The following JMJD1C variants were observed in gnomAD, a reference collection of about 807,000 sequenced individuals.
The protein encoded by JMJD1C is jumonji domain-containing protein 1C.
JMJD1C carries 31 observed loss-of-function variants against 245.3 expected under a neutral mutation model. That is an observed-to-expected ratio of 0.13 (90% CI 0.09 to 0.17). The LOEUF (loss-of-function observed/expected upper bound fraction) is 0.17. Among genes scored for constraint, JMJD1C ranks in the 10% least tolerant of loss-of-function variants. The probability of loss-of-function intolerance (pLI) is 1.00; values close to 1 mark genes in which losing one functional copy is unlikely to be tolerated. For synonymous variants in JMJD1C, 1,057 were observed against 1,017.4 expected (o/e 1.04, Z -0.74); for missense variants, 2,691 against 3,000.2 (o/e 0.90, Z 2.41).
chr10:63,257,084 A>G lies in JMJD1C; in HGVS notation c.447+7567T>C, dbSNP rs561704194. On this transcript the variant is annotated intron_variant, in intron 3 of 25. Coordinates refer to ENST00000399262, the MANE Select transcript of JMJD1C (RefSeq NM_032776.3). ...AACCCTGTCTCTACTAAAAACACAAAAAATTAGCCGGGCGTGGTGGCTCGC... is the reference window on the plus strand; with the variant it reads ...AACCCTGTCTCTACTAAAAACACAAGAAATTAGCCGGGCGTGGTGGCTCGC... 2.0e-5 allele frequency among the ~76,000 whole-genome samples: 3 copies of G among 152,118 alleles called. No homozygotes were observed. The South Asian group carries it at 6.2e-4, about 32-fold the overall frequency.
intron 1 of JMJD1C, among the ~76,000 whole-genome samples, chr10:63,394,581 A>C (rs987808289): frequency 6.6e-6 from 1 of 152,220 alleles, no homozygotes; most frequent in Non-Finnish European, 1.5e-5. Flanking sequence ...TCAGTGGCTC[A>C]TGCCTGTAAT....
intron 2 of JMJD1C, among the ~76,000 whole-genome samples, chr10:63,290,343 A>T (rs7074351): frequency 0.86 from 130,736 of 152,128 alleles, 56,882 homozygotes; most frequent in African/African-American, 0.96. Context: ...GTAAGGCGGG[A>T]GGATCACCTG....
intron 2 of JMJD1C, among the ~76,000 whole-genome samples, chr10:63,368,394 C>T (rs1195980145): frequency 6.6e-6 from 1 of 152,086 alleles, no homozygotes; most frequent in Admixed American, 6.5e-5. Flanking sequence ...TATAACAGCA[C>T]ATAGGGAAAC....
At chr10:63,394,114 G>C (rs1304630355) in intron 1 of JMJD1C, among the ~76,000 whole-genome samples, 1 of 151,586 alleles carries the variant, frequency 6.6e-6, no homozygotes, top group Non-Finnish European at 1.5e-5. Context: ...TTGAATCCGG[G>C]AGGTAGTGGT....
At chr10:63,347,580 T>C (rs561315539) in intron 2 of JMJD1C, among the ~76,000 whole-genome samples, 1 of 124,950 alleles carries the variant, frequency 8.0e-6, no homozygotes, top group Non-Finnish European at 1.6e-5. Context: ...CGAGAGTCCA[T>C]CTCAAAAAAA....
At chr10:63,421,635 G>A (rs906072694) in intron 1 of JMJD1C, among the ~76,000 whole-genome samples, 2 of 152,178 alleles carry the variant, frequency 1.3e-5, no homozygotes, top group Admixed American at 1.3e-4. Context: ...AACCCCTGAT[G>A]TGTCTGACTA....
intron 1 of JMJD1C, among the ~76,000 whole-genome samples, chr10:63,435,068 T>TG (rs1380468544): frequency 6.6e-6 from 1 of 152,250 alleles, no homozygotes; most frequent in East Asian, 1.9e-4. Flanking sequence ...TACTGAACAA[T>TG]GCGCTCAAGT....
chr10:63,389,891 A>G (rs1263858328), intron 1 of JMJD1C, among the ~76,000 whole-genome samples: 1 of 152,188 alleles, frequency 6.6e-6, no homozygotes, highest in Non-Finnish European at 1.5e-5. Context: ...ATATTTAATA[A>G]AGTAGTGCTA....
At chr10:63,408,151 C>G (rs1025817519) in intron 1 of JMJD1C, among the ~76,000 whole-genome samples, 1 of 152,148 alleles carries the variant, frequency 6.6e-6, no homozygotes, top group Admixed American at 6.5e-5. Context: ...TGCCTGTAAT[C>G]CCAGCACTAT....
intron 3 of JMJD1C, among the ~76,000 whole-genome samples, chr10:63,223,483 T>A (rs1848876805): frequency 6.6e-6 from 1 of 151,974 alleles, no homozygotes; most frequent in Admixed American, 6.6e-5. Flanking sequence ...CCACCTTGGC[T>A]TCCCAAAGTG....
At chr10:63,244,153 A>G (rs1851866693) in intron 3 of JMJD1C, among the ~76,000 whole-genome samples, 1 of 152,212 alleles carries the variant, frequency 6.6e-6, no homozygotes. Context: ...TGCTCCATAA[A>G]TTAGACAAAG....
Position 63,207,809 on chromosome 10 carries a change from G to C in JMJD1C, c.3860C>G (p.Thr1287Ser), listed in dbSNP as rs924106174. 1.2e-6 allele frequency: 2 copies of C among 1,614,136 alleles called. No individual in the cohort carries two copies. The highest frequency in any genetic ancestry group is 2.2e-5 in the East Asian group (1 of 44,882). ...GCTGCTTTTCTCCACATGCCATTCAGTTTTCTCTTTGCTGAGGTTATTATT... is the reference window on the plus strand; with the variant it reads ...GCTGCTTTTCTCCACATGCCATTCACTTTTCTCTTTGCTGAGGTTATTATT... ...RPNNNLSKEK[T>S]EWHVEKSSGK... Residue 1287 changes from threonine to serine, a missense_variant, in exon 10 of 26, where the codon ACT (threonine) becomes AGT (serine). Thr to Ser is a moderately conservative substitution (Grantham distance 58). This residue lies in a region of JMJD1C where 1,562 missense variants were observed against 1,490.7 expected (regional missense o/e 1.05). Coordinates refer to ENST00000399262, the MANE Select transcript of JMJD1C (RefSeq NM_032776.3).
In JMJD1C at chr10:63,366,887, A is replaced by G. The variant is rs547469157; in HGVS notation, c.333+13431T>C. Among the ~76,000 whole-genome samples, 3 of 152,364 alleles carry G rather than the reference A, an allele frequency of 2.0e-5. No homozygotes were observed. The East Asian group carries it at 5.8e-4, about 29-fold the overall frequency. The stretch of plus-strand genomic sequence containing the variant: ...TCCCTTGATTATTGTTACCTGGAAT[A>G]GCGAAACAGAAACGCAAATCCTAAT... On this transcript the variant is annotated intron_variant, in intron 2 of 25. Coordinates refer to ENST00000399262, the MANE Select transcript of JMJD1C (RefSeq NM_032776.3).
chr10:63,373,269 C>A (rs923199487), intron 2 of JMJD1C, among the ~76,000 whole-genome samples: 1 of 152,184 alleles, frequency 6.6e-6, no homozygotes, highest in Non-Finnish European at 1.5e-5. Context: ...ACTTCAGCAT[C>A]TTACATGTGG....
At chr10:63,365,593 G>A (rs1945766970) in intron 2 of JMJD1C, among the ~76,000 whole-genome samples, 1 of 152,102 alleles carries the variant, frequency 6.6e-6, no homozygotes, top group Non-Finnish European at 1.5e-5. Flanking sequence ...CAAGGTATAA[G>A]CTCCACTAGA....
chr10:63,193,983 T>C (rs1299466868), intron 14 of JMJD1C, among the ~76,000 whole-genome samples: 1 of 152,206 alleles, frequency 6.6e-6, no homozygotes, highest in Non-Finnish European at 1.5e-5. Context: ...TGTTCTCTAT[T>C]CTTTTCTCTC....
rs746833882 is a variant in JMJD1C, at chr10:63,263,959, TACACACACACAC to T, written c.447+680_447+691del. Reference sequence around the variant, plus strand: ...AAAAAAAAAAAAAAAAAAATACACATACACACACACACACACACACACACACACACACACACA... The same window carrying T: ...AAAAAAAAAAAAAAAAAAATACACATACACACACACACACACACACACACA... On this transcript the variant is annotated intron_variant, in intron 3 of 25. Transcript: ENST00000399262. Among the ~76,000 whole-genome samples, 263 of 83,012 alleles carry T rather than the reference TACACACACACAC, an allele frequency of 3.2e-3. 2 individuals are homozygous for T. The highest frequency in any genetic ancestry group is 4.2e-3 in the African/African-American group (100 of 23,840). 54.5% of individuals were successfully genotyped at this position (83,012 alleles called of 152,430 possible).
At position 63,242,326 on chromosome 10, in the gene JMJD1C, C is replaced by T. The variant is rs866872628; in HGVS notation, c.447+22325G>A. Among the ~76,000 whole-genome samples the T allele has an allele frequency of 1.4e-4, 21 of 152,296 alleles. No individual in the cohort carries two copies. In the Middle Eastern group the frequency reaches 0.01, roughly 74 times the overall value. On this transcript the variant is annotated intron_variant, in intron 3 of 25. Coordinates refer to ENST00000399262, the MANE Select transcript of JMJD1C (RefSeq NM_032776.3). ...CTGGGCACTTGAAATGTGACCTGCACGACTGAAGAACTTTTTTAAAATTTA... is the reference window on the plus strand; with the variant it reads ...CTGGGCACTTGAAATGTGACCTGCATGACTGAAGAACTTTTTTAAAATTTA...
At chr10:63,270,933 C>T (rs971310186) in intron 2 of JMJD1C, among the ~76,000 whole-genome samples, 3 of 152,092 alleles carry the variant, frequency 2.0e-5, no homozygotes, top group African/African-American at 7.3e-5. Flanking sequence ...AAATTTTAAC[C>T]TTTAGAGCAT....
Sources: gnomAD v4.1 joint callset for allele counts (sites outside exome capture counted in the v4.1 genomes callset) on GRCh38, gnomAD v4.1.1 for gene constraint, gnomAD v4.1.1 regional missense constraint, MANE v1.5 for transcripts, NCBI Gene and HGNC (gene_info 2026-07-23, HGNC 2026-07-21) for gene names.